The following DCDC1 variants were observed in gnomAD, a reference collection of about 807,000 sequenced individuals.
The protein encoded by DCDC1 is doublecortin domain containing 1.
In DCDC1, 200 loss-of-function variants were observed where a neutral mutation model predicts 178.3. The observed-to-expected ratio is 1.12, with a 90% CI of 1.00 to 1.26. The LOEUF (loss-of-function observed/expected upper bound fraction) is 1.26, where lower values mean the gene tolerates loss of function less well. DCDC1 is among the 50% of genes most tolerant of loss of function. DCDC1 has a pLI of 0.00. For missense variants in DCDC1, 1,983 were observed against 1,749.2 expected, an observed-to-expected ratio of 1.13 and a Z score of -2.38; for synonymous variants, 690 against 604.8, an observed-to-expected ratio of 1.14 and a Z score of -2.07.
In DCDC1 at chr11:30,916,941, A is replaced by C; in HGVS notation, c.3381T>G (p.Asp1127Glu). The C allele has an allele frequency of 6.2e-7, 1 of 1,610,996 alleles. No homozygotes were observed. Among genetic ancestry groups the C allele is most frequent in the Non-Finnish European group, 8.5e-7 (1 of 1,178,606 alleles). Reference protein sequence around the residue: ...YAWQETSHDFDEDDSLPKKTE... With the variant: ...YAWQETSHDFEEDDSLPKKTE... ...TTTTCTTTGGAAGACTGTCATCCTCATCAAAGTCATGTGAAGTTTCCTGCC... is the reference window on the plus strand; with the variant it reads ...TTTTCTTTGGAAGACTGTCATCCTCCTCAAAGTCATGTGAAGTTTCCTGCC... The change falls in exon 26 of 39, where the codon GAT (aspartate) becomes GAG (glutamate). Residue 1127 changes from aspartate (D) to glutamate (E), a missense_variant. Physicochemically the swap from Asp to Glu is conservative, Grantham distance 45 (BLOSUM62 2). Coordinates refer to ENST00000684477, the MANE Select transcript of DCDC1 (RefSeq NM_001387274.1).
At chr11:31,206,383 T>A (rs1182422249) in intron 9 of DCDC1, among the ~76,000 whole-genome samples, 1 of 152,068 alleles carries the variant, frequency 6.6e-6, no homozygotes, top group East Asian at 1.9e-4. Flanking sequence ...TCATGAGATC[T>A]CAATCTAAGG....
At chr11:31,201,650 C>A (rs1591385780) in intron 9 of DCDC1, among the ~76,000 whole-genome samples, 3 of 137,554 alleles carry the variant, frequency 2.2e-5, no homozygotes, top group African/African-American at 2.7e-5. Context: ...AAAAACAAGA[C>A]AGGGAAGGAA....
intron 20 of DCDC1, among the ~76,000 whole-genome samples, chr11:31,004,866 T>C (rs1565173954): frequency 6.6e-6 from 1 of 152,050 alleles, no homozygotes; most frequent in South Asian, 2.1e-4. Flanking sequence ...CTCTGTGATT[T>C]AAAATAGATA....
chr11:31,066,218 C>T (rs750365285), intron 18 of DCDC1, among the ~76,000 whole-genome samples: 13 of 152,150 alleles, frequency 8.5e-5, no homozygotes, highest in Admixed American at 3.3e-4. Flanking sequence ...GCCTAGCTTA[C>T]CAAGTAATAC....
At chr11:30,913,129 C>A (rs948076999) in intron 27 of DCDC1, among the ~76,000 whole-genome samples, 4 of 152,100 alleles carry the variant, frequency 2.6e-5, no homozygotes, top group South Asian at 2.1e-4. Context: ...AAGACTTCTG[C>A]AAAAACTCTT....
At chr11:31,133,348 C>T (rs761270355) in intron 10 of DCDC1, among the ~76,000 whole-genome samples, 4 of 152,272 alleles carry the variant, frequency 2.6e-5, no homozygotes, top group African/African-American at 9.6e-5. Context: ...ATGTAACACA[C>T]GGAATGGTCT....
chr11:31,177,177 C>A (rs1968156738), intron 9 of DCDC1, among the ~76,000 whole-genome samples: 1 of 151,778 alleles, frequency 6.6e-6, no homozygotes, highest in Non-Finnish European at 1.5e-5. Flanking sequence ...AGGGGGGAGT[C>A]TAGAATATTT....
chr11:31,017,798 G>T (rs1388324167), intron 20 of DCDC1, among the ~76,000 whole-genome samples: 1 of 152,112 alleles, frequency 6.6e-6, no homozygotes, highest in East Asian at 1.9e-4. Context: ...TTACTATGTT[G>T]CCCAGGCTGG....
intron 7 of DCDC1, among the ~76,000 whole-genome samples, chr11:31,277,583 T>C (rs373219107): frequency 7.9e-5 from 12 of 152,126 alleles, no homozygotes; most frequent in African/African-American, 2.7e-4. Flanking sequence ...ACCTACTTGG[T>C]ATTGTCAGTC....
rs147837222 is a variant in DCDC1 at position 31,273,899 on chromosome 11, G to A, written c.961-8299C>T. On this transcript the variant is annotated intron_variant, in intron 7 of 38. Coordinates refer to ENST00000684477, the MANE Select transcript of DCDC1 (RefSeq NM_001387274.1). Reference sequence around the variant, plus strand: ...TCTTACATGGATGGCAGCAAGCAGAGAGAGAGCTTGTGCAGGGAAACTCCT... The same window carrying A: ...TCTTACATGGATGGCAGCAAGCAGAAAGAGAGCTTGTGCAGGGAAACTCCT... Among the ~76,000 whole-genome samples the A allele has an allele frequency of 1.5e-3, 232 of 152,290 alleles. 1 individual carries two copies. The highest frequency in any genetic ancestry group is 4.1e-3 in the Admixed American group (63 of 15,302).
intron 1 of DCDC1, among the ~76,000 whole-genome samples, chr11:31,358,360 G>T (rs943452311): frequency 6.6e-6 from 1 of 152,086 alleles, no homozygotes; most frequent in African/African-American, 2.4e-5. Context: ...TTTAATAAAT[G>T]GTGCTGGGAA....
chr11:30,911,595 G>A (rs1479584892), intron 27 of DCDC1, among the ~76,000 whole-genome samples, 175 bp from the exon 28 acceptor site: 2 of 152,236 alleles, frequency 1.3e-5, no homozygotes, highest in Non-Finnish European at 2.9e-5. Flanking sequence ...TCTCAGTAGA[G>A]AGTGCTGGAA....
chr11:31,255,618 T>C (rs1166398849), intron 8 of DCDC1, among the ~76,000 whole-genome samples: 2 of 152,218 alleles, frequency 1.3e-5, no homozygotes, highest in East Asian at 3.8e-4. Flanking sequence ...TTGCCATTTG[T>C]ATAACTTCTT....
chr11:31,345,289 A>C (rs1950756728), intron 1 of DCDC1, among the ~76,000 whole-genome samples: 2 of 152,218 alleles, frequency 1.3e-5, no homozygotes, highest in South Asian at 4.1e-4. Context: ...TTTAAGGAAA[A>C]ACTTTGTTGA....
intron 38 of DCDC1, among the ~76,000 whole-genome samples, chr11:30,873,409 T>C (rs891939830): frequency 6.7e-6 from 1 of 149,164 alleles, no homozygotes; most frequent in Non-Finnish European, 1.5e-5. Flanking sequence ...TATACATGAA[T>C]TAAGTGTTAG....
chr11:30,930,811 A>G (rs867376944), intron 22 of DCDC1, among the ~76,000 whole-genome samples: 34 of 152,282 alleles, frequency 2.2e-4, no homozygotes, highest in African/African-American at 7.9e-4. Flanking sequence ...CTTTAAGGAC[A>G]TTACCCTCAC....
chr11:31,346,018 A>G lies in DCDC1; in HGVS notation c.-124-10454T>C, dbSNP rs376570416. On this transcript the variant is annotated intron_variant, in intron 1 of 38. Coordinates refer to ENST00000684477, the MANE Select transcript of DCDC1 (RefSeq NM_001387274.1). ...TGTCACTAAAATAGGACAACTAGAA[A>G]TTGCTTCTCCTTGTGTAATTCCACA... Among the ~76,000 whole-genome samples, 49 of 152,270 alleles carry G rather than the reference A, an allele frequency of 3.2e-4. No homozygotes were observed. In the East Asian group the frequency reaches 5.8e-3, roughly 18 times the overall value.
chr11:31,359,524 T>G (rs1284906452), intron 1 of DCDC1, among the ~76,000 whole-genome samples: 1 of 152,070 alleles, frequency 6.6e-6, no homozygotes, highest in Admixed American at 6.5e-5. Context: ...GCATGGCACA[T>G]GTATACATAT....
At chr11:31,148,323 G>A (rs1964703955) in intron 9 of DCDC1, among the ~76,000 whole-genome samples, 1 of 151,690 alleles carries the variant, frequency 6.6e-6, no homozygotes, top group Non-Finnish European at 1.5e-5. Context: ...GAAGTGGGCG[G>A]ATCACGTGAG....
Sources: allele counts gnomAD v4.1 joint callset (sites outside exome capture counted in the v4.1 genomes callset), GRCh38; gene constraint gnomAD v4.1.1; transcripts MANE v1.5; gene names NCBI Gene and HGNC (gene_info 2026-07-23, HGNC 2026-07-21).